The following KIAA0319L variants were observed in gnomAD, a reference collection of about 807,000 sequenced individuals.
KIAA0319L encodes dyslexia-associated protein KIAA0319-like protein.
Under a neutral mutation model 120.1 loss-of-function variants are expected in KIAA0319L, and 55 were observed. That is an observed-to-expected ratio of 0.46 (90% CI 0.37 to 0.57). The LOEUF (loss-of-function observed/expected upper bound fraction) is 0.57. Ranked by LOEUF, KIAA0319L falls within the 20% of genes least tolerant of loss-of-function variation. The pLI, the probability that KIAA0319L is intolerant of heterozygous loss-of-function variation, is 0.00. For missense variants in KIAA0319L, 1,049 were observed against 1,255.3 expected (o/e 0.84, Z 2.48); for synonymous variants, 398 against 471.9 (o/e 0.84, Z 2.03).
At chr1:35,485,530 C>T (rs974553278) in intron 3 of KIAA0319L, among the ~76,000 whole-genome samples, 3 of 152,258 alleles carry the variant, frequency 2.0e-5, no homozygotes, top group Non-Finnish European at 4.4e-5. Flanking sequence ...CCCTCCTGCA[C>T]ATGCAGGTAA....
intron 3 of KIAA0319L, among the ~76,000 whole-genome samples, chr1:35,488,737 A>G (rs552899068): frequency 7.2e-5 from 11 of 152,356 alleles, no homozygotes; most frequent in African/African-American, 2.6e-4. Flanking sequence ...GTCCCCAAAG[A>G]AAGAAGGGAC....
chr1:35,441,105 G>A lies in KIAA0319L; in HGVS notation c.2904C>T (p.Tyr968=). The change falls in exon 20 of 21, where the codon TAC becomes TAT. Residue 968 remains tyrosine, a synonymous_variant. Transcript: ENST00000325722. ...CCTGATCCGTGGCATCCAGGATCTT[G>A]TACTTGCTTTTCCTCTTGGGTTTTC... ...QKGKPKRKSK[Y]KILDATDQES... is the part of the protein sequence containing the mutation. 6.2e-7 allele frequency: 1 copy of A among 1,614,178 alleles called. No individual in the cohort carries two copies. Among genetic ancestry groups the A allele is most frequent in the Non-Finnish European group, 8.5e-7 (1 of 1,180,026 alleles).
At chr1:35,483,390 C>T (rs897910643) in intron 3 of KIAA0319L, among the ~76,000 whole-genome samples, 3 of 152,186 alleles carry the variant, frequency 2.0e-5, no homozygotes, top group African/African-American at 7.2e-5. Flanking sequence ...AAATTGAGAT[C>T]TATGATCCGT....
chr1:35,435,197 C>A lies in KIAA0319L; in HGVS notation c.2963-116G>T, dbSNP rs552909268. On this transcript the variant is annotated intron_variant, in intron 20 of 20. Coordinates refer to ENST00000325722, the MANE Select transcript of KIAA0319L (RefSeq NM_024874.5). ...ACAGGGCAAGTCACAGGCTCCTCTC[C>A]AGGCTGGGAGGTGCAGATGGGAAGG... The A allele has an allele frequency of 6.5e-6, 6 of 928,236 alleles. No individual in the cohort carries two copies. The African/African-American group carries it at 8.3e-5, about 13-fold the overall frequency. The allele number at this position is 928,236 out of a possible 1,614,324, so 57.5% of individuals were successfully genotyped here.
intron 3 of KIAA0319L, among the ~76,000 whole-genome samples, chr1:35,494,455 T>A (rs919652407): frequency 6.6e-6 from 1 of 151,372 alleles, no homozygotes; most frequent in Non-Finnish European, 1.5e-5. Flanking sequence ...TCTCAAAAAA[T>A]AAATAAATAA....
At chr1:35,443,224 A>C (rs1443830465) in intron 17 of KIAA0319L, 196 bp from the exon 18 acceptor site, 2 of 580,764 alleles carry the variant, frequency 3.4e-6, no homozygotes, top group Non-Finnish European at 6.1e-6. Context: ...AGGCCACTAG[A>C]AAGACACTTC....
chr1:35,492,531 TTAA>T (rs758328189), intron 3 of KIAA0319L, among the ~76,000 whole-genome samples: 10 of 150,950 alleles, frequency 6.6e-5, no homozygotes, highest in East Asian at 1.9e-4. Flanking sequence ...AATAAATTAA[TTAA>T]TAATAATAAT....
At position 35,492,404 on chromosome 1, in the gene KIAA0319L, C is replaced by T. The variant is rs575353588; in HGVS notation, c.667-13192G>A. Among the ~76,000 whole-genome samples the T allele has an allele frequency of 8.2e-4, 125 of 152,182 alleles. 1 individual carries two copies. Among genetic ancestry groups the T allele is most frequent in the Non-Finnish European group, 1.2e-3 (80 of 68,002 alleles). On this transcript the variant is annotated intron_variant, in intron 3 of 20. Transcript: ENST00000325722. ...TGGCATGCGCCTGTAGTCCCAGCTA[C>T]TCAGGAGGCTGAGGCAGGAGAATCG...
chr1:35,484,783 TATATATATATATATA>T (rs1644302132), intron 3 of KIAA0319L, among the ~76,000 whole-genome samples: 2 of 56,256 alleles, frequency 3.6e-5, no homozygotes, highest in African/African-American at 1.4e-4. Flanking sequence ...TATATATATA[TATATATATATATATA>T]TATATATATT....
intron 13 of KIAA0319L, 54 bp from the exon 14 acceptor site, chr1:35,450,563 T>C (rs1641985472): frequency 1.3e-6 from 2 of 1,526,462 alleles, no homozygotes; most frequent in Non-Finnish European, 1.8e-6. Flanking sequence ...AGAAGAAATG[T>C]TTCTTCATGA....
intron 3 of KIAA0319L, among the ~76,000 whole-genome samples, chr1:35,504,699 A>C (rs1410924514): frequency 6.6e-6 from 1 of 152,156 alleles, no homozygotes; most frequent in African/African-American, 2.4e-5. Context: ...TACACTGTTC[A>C]AGGGTCAACT....
intron 3 of KIAA0319L, among the ~76,000 whole-genome samples, chr1:35,501,460 C>T (rs1365378066): frequency 1.3e-5 from 2 of 152,224 alleles, no homozygotes; most frequent in Non-Finnish European, 2.9e-5. Flanking sequence ...CTTCAACTCT[C>T]ATTGCAGCTA....
chr1:35,494,374 G>A (rs1023648948), intron 3 of KIAA0319L, among the ~76,000 whole-genome samples: 15 of 152,178 alleles, frequency 9.9e-5, no homozygotes, highest in South Asian at 4.2e-4. Flanking sequence ...ACTTGAACCC[G>A]GGAGGCGGAG....
At chr1:35,446,670 C>T (rs1641649736) in intron 16 of KIAA0319L, among the ~76,000 whole-genome samples, 1 of 152,194 alleles carries the variant, frequency 6.6e-6, no homozygotes, top group African/African-American at 2.4e-5. Context: ...AGACTACTCT[C>T]ATTTGGTTTT....
chr1:35,549,232 G>A (rs1647105840), intron 2 of KIAA0319L, among the ~76,000 whole-genome samples: 1 of 151,886 alleles, frequency 6.6e-6, no homozygotes, highest in Admixed American at 6.6e-5. Flanking sequence ...TATTTTTGTA[G>A]AGATGAGGTT....
intron 2 of KIAA0319L, among the ~76,000 whole-genome samples, chr1:35,547,753 C>T (rs1403103493): frequency 2.0e-5 from 3 of 152,108 alleles, no homozygotes; most frequent in African/African-American, 7.2e-5. Flanking sequence ...TAGGGAGTGA[C>T]TGCTAATGGG....
rs1641804037 is a variant in KIAA0319L at position 35,448,428 on chromosome 1, G to A, written c.2354-96C>T. The A allele has an allele frequency of 8.8e-6, 10 of 1,135,492 alleles. 1 individual carries two copies. In the Middle Eastern group the frequency reaches 8.8e-4, roughly 100 times the overall value. 70.3% of individuals were successfully genotyped at this position (1,135,492 alleles called of 1,614,324 possible). On this transcript the variant is annotated intron_variant, in intron 15 of 20. Transcript: ENST00000325722. ...GCTTTGGCACAGGAGAGAAAGGAGT[G>A]AGAACATTCAGATATCCTTCAAATG...
chr1:35,443,862 G>A (rs1257979095), intron 17 of KIAA0319L, among the ~76,000 whole-genome samples: 2 of 152,070 alleles, frequency 1.3e-5, no homozygotes, highest in African/African-American at 4.8e-5. Context: ...GTAGTTTGTT[G>A]CCTACATTGA....
In KIAA0319L at chr1:35,521,213, C is replaced by T. The variant is rs190248415; in HGVS notation, c.143-14078G>A. ...AAAAGTTAGCTGGGCAGGTGCACAC[C>T]TGTAATCCCAGCAACTGGGGGAGGT... On this transcript the variant is annotated intron_variant, in intron 2 of 20. Coordinates refer to ENST00000325722, the MANE Select transcript of KIAA0319L (RefSeq NM_024874.5). Among the ~76,000 whole-genome samples, 171 of 152,148 alleles carry T rather than the reference C, an allele frequency of 1.1e-3. 1 individual carries two copies. Among genetic ancestry groups the T allele is most frequent in the Non-Finnish European group, 1.7e-3 (115 of 68,008 alleles).
Sources: allele counts gnomAD v4.1 joint callset (sites outside exome capture counted in the v4.1 genomes callset), GRCh38; gene constraint gnomAD v4.1.1; transcripts MANE v1.5; gene names NCBI Gene and HGNC (gene_info 2026-07-23, HGNC 2026-07-21).